APAF1: variants seen among roughly 807,000 people sequenced by gnomAD.
APAF1 encodes apoptotic peptidase activating factor 1, also known as apoptotic protease-activating factor 1.
A neutral mutation model predicts 152.4 loss-of-function variants in APAF1; 91 were observed. That is an observed-to-expected ratio of 0.60 (90% CI 0.50 to 0.71). The LOEUF (loss-of-function observed/expected upper bound fraction) is 0.71, where lower values mean the gene tolerates loss of function less well. Among genes scored for constraint, APAF1 ranks in the 30% least tolerant of loss-of-function variants. The pLI is 0.00. For synonymous variants in APAF1, 484 were observed against 494.1 expected (o/e 0.98, Z 0.27); for missense variants, 1,283 against 1,472.0 (o/e 0.87, Z 2.10).
At chr12:98,684,165 A>G (rs932483117) in intron 15 of APAF1, among the ~76,000 whole-genome samples, 5 of 152,210 alleles carry the variant, frequency 3.3e-5, no homozygotes, top group African/African-American at 4.8e-5. Flanking sequence ...TGACATTTAA[A>G]TAAATTATTA....
intron 22 of APAF1, among the ~76,000 whole-genome samples, chr12:98,716,203 T>TA (rs2097734537): frequency 6.6e-6 from 1 of 152,250 alleles, no homozygotes; most frequent in Non-Finnish European, 1.5e-5. Context: ...GGCATGCTTA[T>TA]AGTGCTCTTC....
Position 98,671,578 on chromosome 12 carries a change from A to G in APAF1, c.1652A>G (p.Asn551Ser), listed in dbSNP as rs2097680149. 1 of 1,613,994 alleles carries G rather than the reference A, an allele frequency of 6.2e-7. No individual in the cohort carries two copies. The highest frequency in any genetic ancestry group is 8.5e-7 in the Non-Finnish European group (1 of 1,180,036). ...AATTTTCAGGAGTTTTTATCTTTAA[A>G]TGGACACCTTCTTGGACGACAGCCA... ...SENFQEFLSL[N>S]GHLLGRQPFP... Residue 551 changes from asparagine (N) to serine (S), a missense_variant, in exon 12 of 27, where the codon AAT becomes AGT. By Grantham distance (46) the Asn-to-Ser change is conservative. Transcript: ENST00000551964.
chr12:98,661,103 G>C (rs532145434), intron 5 of APAF1, among the ~76,000 whole-genome samples: 1 of 152,086 alleles, frequency 6.6e-6, no homozygotes, highest in South Asian at 2.1e-4. Flanking sequence ...AGGTTTCACC[G>C]TGTTAACCAG....
At chr12:98,682,580 A>C (rs1938515150) in intron 14 of APAF1, among the ~76,000 whole-genome samples, 1 of 152,026 alleles carries the variant, frequency 6.6e-6, no homozygotes, top group Non-Finnish European at 1.5e-5. Flanking sequence ...TAAAACCTTT[A>C]TTTTTTTTAA....
chr12:98,676,531 A>G (rs2097686707), intron 12 of APAF1, among the ~76,000 whole-genome samples: 1 of 152,120 alleles, frequency 6.6e-6, no homozygotes, highest in African/African-American at 2.4e-5. Flanking sequence ...AGATACTATG[A>G]GCAGTAATAT....
intron 4 of APAF1, among the ~76,000 whole-genome samples, chr12:98,650,523 A>G (rs887104749): frequency 2.0e-5 from 3 of 150,168 alleles, no homozygotes; most frequent in African/African-American, 4.9e-5. Flanking sequence ...TTTGATATGT[A>G]TGTATAACAT....
intron 15 of APAF1, 108 bp from the exon 16 acceptor site, chr12:98,686,640 C>T (rs1593066853): frequency 9.0e-7 from 1 of 1,106,222 alleles, no homozygotes; most frequent in East Asian, 2.6e-5. Context: ...AAACATCATT[C>T]TGTAATCAAA....
chr12:98,659,769 AAAAG>A (rs1219395889), intron 5 of APAF1, among the ~76,000 whole-genome samples: 1 of 150,742 alleles, frequency 6.6e-6, no homozygotes, highest in African/African-American at 2.5e-5. Context: ...AAAAAAAAAA[AAAAG>A]AGAGAGAAAG....
intron 19 of APAF1, among the ~76,000 whole-genome samples, chr12:98,708,220 C>T (rs2097723933): frequency 6.6e-6 from 1 of 152,248 alleles, no homozygotes; most frequent in Admixed American, 6.5e-5. Context: ...GCTGGGATTA[C>T]AGGTGTGAGC....
At chr12:98,715,260 A>G (rs1273207386) in intron 21 of APAF1, among the ~76,000 whole-genome samples, 167 bp from the exon 22 acceptor site, 4 of 124,262 alleles carry the variant, frequency 3.2e-5, no homozygotes, top group African/African-American at 1.2e-4. Flanking sequence ...ATATATATAT[A>G]TATATATATA....
intron 4 of APAF1, among the ~76,000 whole-genome samples, chr12:98,655,766 C>A (rs1202610001): frequency 6.6e-6 from 1 of 151,072 alleles, no homozygotes; most frequent in Non-Finnish European, 1.5e-5. Flanking sequence ...GCGCACAGCA[C>A]GTTGCCTGGC....
intron 26 of APAF1, among the ~76,000 whole-genome samples, chr12:98,729,988 C>G (rs1169446358): frequency 6.6e-6 from 1 of 152,018 alleles, no homozygotes; most frequent in African/African-American, 2.4e-5. Flanking sequence ...TTATAATGTT[C>G]CCAACACAAA....
intron 9 of APAF1, among the ~76,000 whole-genome samples, chr12:98,667,049 C>A (rs541499112): frequency 8.1e-4 from 123 of 151,098 alleles, no homozygotes; most frequent in African/African-American, 2.8e-3. Context: ...AAAGTGGTAT[C>A]TGCCAGGTTT....
chr12:98,715,087 T>C (rs1222374933), intron 21 of APAF1, among the ~76,000 whole-genome samples: 1 of 149,032 alleles, frequency 6.7e-6, no homozygotes, highest in Non-Finnish European at 1.5e-5. Flanking sequence ...TTTTTTTTTT[T>C]TGGAGGGCAA....
intron 12 of APAF1, among the ~76,000 whole-genome samples, chr12:98,673,246 C>T (rs1285629224): frequency 2.7e-5 from 4 of 150,726 alleles, no homozygotes; most frequent in East Asian, 4.0e-4. Context: ...TTTGGGAGGC[C>T]GAGGCGGGCG....
At chr12:98,662,395 C>T (rs1326556293) in intron 5 of APAF1, 61 bp from the exon 6 acceptor site, 2 of 1,299,354 alleles carry the variant, frequency 1.5e-6, no homozygotes, top group Non-Finnish European at 2.2e-6. Context: ...GTGGGATTAT[C>T]TTTTTAAAAG....
chr12:98,730,526 A>G (rs1423390257), intron 26 of APAF1, among the ~76,000 whole-genome samples: 3 of 152,228 alleles, frequency 2.0e-5, no homozygotes, highest in Admixed American at 6.5e-5. Context: ...AAGCAGCAGA[A>G]TAGGTTTACA....
In APAF1 at chr12:98,725,545, G is replaced by C; in HGVS notation, c.3456+5G>C. On this transcript the variant is annotated splice_donor_5th_base_variant and intron_variant, in intron 25 of 26. Coordinates refer to ENST00000551964, the MANE Select transcript of APAF1 (RefSeq NM_181861.2). ...GATGACAATGGAGAAATCAGGGTAGGCTGTTTGCTGACATGAGAGCACTGC... is the reference window on the plus strand; with the variant it reads ...GATGACAATGGAGAAATCAGGGTAGCCTGTTTGCTGACATGAGAGCACTGC... 1 of 1,614,080 alleles carries C rather than the reference G, an allele frequency of 6.2e-7. No homozygotes were observed. The highest frequency in any genetic ancestry group is 8.5e-7 in the Non-Finnish European group (1 of 1,179,956).
chr12:98,652,181 G>A (rs533225438), intron 4 of APAF1, among the ~76,000 whole-genome samples: 2 of 152,184 alleles, frequency 1.3e-5, no homozygotes, highest in East Asian at 3.9e-4. Context: ...TCAAACTCCT[G>A]GGCTCAAGTG....
Sources: allele counts gnomAD v4.1 joint callset (sites outside exome capture counted in the v4.1 genomes callset), GRCh38; gene constraint gnomAD v4.1.1; transcripts MANE v1.5; gene names NCBI Gene and HGNC (gene_info 2026-07-23, HGNC 2026-07-21).